The following STXBP6 variants were observed in gnomAD, a reference collection of about 807,000 sequenced individuals.
STXBP6 encodes the protein syntaxin-binding protein 6.
In STXBP6, 21 loss-of-function variants were observed where a neutral mutation model predicts 26.9. That is an observed-to-expected ratio of 0.78 (90% confidence interval 0.55 to 1.12). The LOEUF (loss-of-function observed/expected upper bound fraction) is 1.12, where lower values mean the gene tolerates loss of function less well. STXBP6 is among the 50% of genes most tolerant of loss of function. STXBP6 has a pLI of 0.00. For synonymous variants in STXBP6, 97 were observed against 92.6 expected (o/e 1.05, Z -0.27); for missense variants, 232 against 257.9 (o/e 0.90, Z 0.69).
chr14:24,819,312 G>T, intron 4 of STXBP6, 118 bp from the exon 5 acceptor site: 1 of 1,137,492 alleles, frequency 8.8e-7, no homozygotes, highest in African/African-American at 1.5e-5. Flanking sequence ...AAGGCCGCTC[G>T]TCTAGTGTCT....
intron 2 of STXBP6, among the ~76,000 whole-genome samples, chr14:24,918,735 AC>A (rs2071868125): frequency 6.6e-6 from 1 of 151,906 alleles, no homozygotes; most frequent in African/African-American, 2.4e-5. Flanking sequence ...GTACATTCTC[AC>A]CCTAGAACAC....
intron 2 of STXBP6, among the ~76,000 whole-genome samples, chr14:24,956,827 G>A (rs1380351814): frequency 3.9e-5 from 6 of 152,136 alleles, no homozygotes. Context: ...GCTATTTCAG[G>A]ATAATGGCAC....
At chr14:24,892,836 G>A (rs1009653818) in intron 2 of STXBP6, among the ~76,000 whole-genome samples, 1 of 152,202 alleles carries the variant, frequency 6.6e-6, no homozygotes, top group African/African-American at 2.4e-5. Context: ...GCAGGGGCTT[G>A]GGCAGAAATG....
intron 2 of STXBP6, among the ~76,000 whole-genome samples, chr14:24,873,929 GCCCAC>G (rs2139361852): frequency 6.6e-6 from 1 of 152,250 alleles, no homozygotes; most frequent in South Asian, 2.1e-4. Context: ...AGACCACCAT[GCCCAC>G]CTTGGATAGA....
chr14:24,872,366 T>C (rs1325839145), intron 2 of STXBP6, among the ~76,000 whole-genome samples: 1 of 152,202 alleles, frequency 6.6e-6, no homozygotes, highest in Non-Finnish European at 1.5e-5. Flanking sequence ...TGTCTTTTTA[T>C]TGAATCTTTT....
chr14:24,997,604 G>A (rs964164495), intron 1 of STXBP6, among the ~76,000 whole-genome samples: 4 of 152,116 alleles, frequency 2.6e-5, no homozygotes, highest in Non-Finnish European at 4.4e-5. Flanking sequence ...AGAGCTAAGC[G>A]CCCTACTCCT....
intron 2 of STXBP6, among the ~76,000 whole-genome samples, chr14:24,906,047 A>C (rs2071376561): frequency 6.6e-6 from 1 of 152,200 alleles, no homozygotes; most frequent in South Asian, 2.1e-4. Context: ...AATTGTTATC[A>C]TTTGTTAATG....
chr14:24,842,082 G>A (rs1214317897), intron 4 of STXBP6, among the ~76,000 whole-genome samples: 1 of 152,120 alleles, frequency 6.6e-6, no homozygotes, highest in Non-Finnish European at 1.5e-5. Flanking sequence ...AATGGTCTGA[G>A]GCTCTTGTTC....
intron 2 of STXBP6, among the ~76,000 whole-genome samples, chr14:24,923,199 C>T (rs187827353): frequency 1.9e-3 from 288 of 152,196 alleles, no homozygotes; most frequent in African/African-American, 6.5e-3. Context: ...ACCAATCCTA[C>T]ACAACATAAC....
At chr14:24,900,725 T>C (rs889695515) in intron 2 of STXBP6, among the ~76,000 whole-genome samples, 5 of 152,184 alleles carry the variant, frequency 3.3e-5, no homozygotes, top group Non-Finnish European at 7.3e-5. Context: ...ATGAGGTCCA[T>C]ATCAGACTGT....
At chr14:24,922,196 T>C (rs75519931) in intron 2 of STXBP6, among the ~76,000 whole-genome samples, 5,226 of 152,142 alleles carry the variant, frequency 0.034, 224 homozygotes, top group African/African-American at 0.11. Context: ...CAGTAAGCCA[T>C]TGATGAAAAA....
intron 1 of STXBP6, among the ~76,000 whole-genome samples, chr14:24,990,630 C>A (rs919413284): frequency 1.5e-4 from 21 of 136,360 alleles, no homozygotes; most frequent in East Asian, 6.1e-4. Context: ...TGCACTCCAG[C>A]CTGGACATGA....
intron 2 of STXBP6, among the ~76,000 whole-genome samples, chr14:24,908,858 T>A (rs892260320): frequency 1.3e-5 from 2 of 152,162 alleles, no homozygotes; most frequent in African/African-American, 4.8e-5. Context: ...AGGTTCCACA[T>A]CAGGCAAACC....
At chr14:25,042,862 G>A (rs762980418) in intron 1 of STXBP6, among the ~76,000 whole-genome samples, 12 of 152,300 alleles carry the variant, frequency 7.9e-5, no homozygotes, top group South Asian at 4.1e-4. Context: ...CAGCTCCAGC[G>A]GTGTTAAACC....
intron 4 of STXBP6, among the ~76,000 whole-genome samples, chr14:24,827,600 G>T (rs1034559990): frequency 6.6e-6 from 1 of 152,114 alleles, no homozygotes; most frequent in East Asian, 1.9e-4. Context: ...CTCTCAGCAA[G>T]GTTTCTTTAC....
intron 2 of STXBP6, among the ~76,000 whole-genome samples, chr14:24,917,465 A>G (rs192099529): frequency 1.3e-4 from 20 of 152,234 alleles, no homozygotes; most frequent in African/African-American, 4.1e-4. Flanking sequence ...CAATCGCACC[A>G]TAAGCACTCA....
chr14:25,030,878 A>C (rs918546106), intron 1 of STXBP6, among the ~76,000 whole-genome samples: 16 of 152,212 alleles, frequency 1.1e-4, no homozygotes, highest in Admixed American at 8.5e-4. Context: ...CCTACATAAT[A>C]ACTAATTAGA....
At chr14:24,931,563 C>T (rs1337054993) in intron 2 of STXBP6, among the ~76,000 whole-genome samples, 1 of 152,152 alleles carries the variant, frequency 6.6e-6, no homozygotes, top group Non-Finnish European at 1.5e-5. Context: ...ATTCATTCAA[C>T]TAATTCCCTC....
intron 2 of STXBP6, among the ~76,000 whole-genome samples, chr14:24,938,186 C>G (rs2072670979): frequency 6.6e-6 from 1 of 152,130 alleles, no homozygotes; most frequent in South Asian, 2.1e-4. Flanking sequence ...ACTCCCACCA[C>G]TTTTTTTCTC....
Sources: gnomAD v4.1 joint callset for allele counts (sites outside exome capture counted in the v4.1 genomes callset) on GRCh38, gnomAD v4.1.1 for gene constraint, MANE v1.5 for transcripts, NCBI Gene and HGNC (gene_info 2026-07-23, HGNC 2026-07-21) for gene names.